Variants in MB21D2 observed in about 807,000 individuals in gnomAD.
The protein encoded by MB21D2 is nucleotidyltransferase MB21D2.
MB21D2 carries 9 observed loss-of-function variants against 33.3 expected under a neutral mutation model. That is an observed-to-expected ratio of 0.27 (90% CI 0.16 to 0.47). The LOEUF is 0.47. Among genes scored for constraint, MB21D2 ranks in the 20% least tolerant of loss-of-function variants. MB21D2 has a pLI of 0.99. For missense variants in MB21D2, 540 were observed against 624.6 expected (o/e 0.86, Z 1.44); for synonymous variants, 241 against 236.3 (o/e 1.02, Z -0.18).
intron 1 of MB21D2, among the ~76,000 whole-genome samples, chr3:192,846,846 T>G (rs1452385918): frequency 6.6e-6 from 1 of 152,200 alleles, no homozygotes; most frequent in African/African-American, 2.4e-5. Flanking sequence ...ACTTTTCTCT[T>G]ATACCTGTTT....
intron 1 of MB21D2, among the ~76,000 whole-genome samples, chr3:192,916,192 G>A (rs1464547049): frequency 6.6e-6 from 1 of 151,160 alleles, no homozygotes; most frequent in Admixed American, 6.6e-5. Context: ...CATACGCAAC[G>A]TAAGACACAC....
At chr3:192,825,064 C>T (rs1042383080) in intron 1 of MB21D2, among the ~76,000 whole-genome samples, 3 of 152,146 alleles carry the variant, frequency 2.0e-5, no homozygotes, top group African/African-American at 4.8e-5. Flanking sequence ...CCAAGAATAG[C>T]CCCAATATAT....
At chr3:192,843,324 C>A (rs1712612841) in intron 1 of MB21D2, among the ~76,000 whole-genome samples, 1 of 152,110 alleles carries the variant, frequency 6.6e-6, no homozygotes, top group African/African-American at 2.4e-5. Context: ...TTTGACATGT[C>A]AGAGTGGAAT....
At chr3:192,898,713 A>G (rs903484881) in intron 1 of MB21D2, among the ~76,000 whole-genome samples, 1 of 152,268 alleles carries the variant, frequency 6.6e-6, no homozygotes, top group Non-Finnish European at 1.5e-5. Context: ...ATGGCAGTGT[A>G]AAATACCAGA....
chr3:192,887,610 T>A (rs185108355), intron 1 of MB21D2, among the ~76,000 whole-genome samples: 2 of 152,224 alleles, frequency 1.3e-5, no homozygotes, highest in African/African-American at 4.8e-5. Context: ...AACAAAGGTA[T>A]ATGGGGGTTC....
At chr3:192,831,936 G>A (rs1278702245) in intron 1 of MB21D2, among the ~76,000 whole-genome samples, 1 of 152,150 alleles carries the variant, frequency 6.6e-6, no homozygotes, top group African/African-American at 2.4e-5. Context: ...TGGCTCTGCT[G>A]GGCTTTGCCA....
chr3:192,849,475 G>A lies in MB21D2; in HGVS notation c.212-49825C>T, dbSNP rs191896968. Among the ~76,000 whole-genome samples, 479 of 151,856 alleles carry A rather than the reference G, an allele frequency of 3.2e-3. 8 individuals are homozygous for A. Among genetic ancestry groups the A allele is most frequent in the East Asian group, 2.3e-3 (12 of 5,128 alleles). ...TGGGATTACAGGCATGTGCCACCAC[G>A]CCCAGCTAATTTTTGTATTTTTAGT... On this transcript the variant is annotated intron_variant, in intron 1 of 1. Transcript: ENST00000392452.
At chr3:192,901,895 A>C (rs1714110932) in intron 1 of MB21D2, among the ~76,000 whole-genome samples, 1 of 152,282 alleles carries the variant, frequency 6.6e-6, no homozygotes, top group South Asian at 2.1e-4. Context: ...CTGAAATTAA[A>C]CCCATTGGGG....
intron 1 of MB21D2, among the ~76,000 whole-genome samples, chr3:192,853,076 T>G (rs148707468): frequency 1.9e-3 from 284 of 152,204 alleles, no homozygotes; most frequent in Middle Eastern, 0.014. Flanking sequence ...TCATTGCTTT[T>G]TACCTGGTTT....
chr3:192,818,794 AAT>A (rs1711981533), intron 1 of MB21D2, among the ~76,000 whole-genome samples: 1 of 152,160 alleles, frequency 6.6e-6, no homozygotes, highest in Non-Finnish European at 1.5e-5. Flanking sequence ...AATTATGCAG[AAT>A]ATGAGGATTT....
intron 1 of MB21D2, among the ~76,000 whole-genome samples, chr3:192,908,636 T>G (rs796747913): frequency 7.9e-5 from 12 of 151,682 alleles, no homozygotes; most frequent in African/African-American, 2.9e-4. Context: ...GCCAGGATGG[T>G]CTCGATCTCC....
intron 1 of MB21D2, among the ~76,000 whole-genome samples, chr3:192,862,473 A>T (rs1328886189): frequency 6.6e-6 from 1 of 152,242 alleles, no homozygotes; most frequent in Non-Finnish European, 1.5e-5. Flanking sequence ...CCTCTAGAAG[A>T]AGTAACTTCC....
intron 1 of MB21D2, among the ~76,000 whole-genome samples, chr3:192,852,277 G>A (rs1028076518): frequency 6.6e-6 from 1 of 152,204 alleles, no homozygotes; most frequent in African/African-American, 2.4e-5. Flanking sequence ...CTCTTCAATC[G>A]ATGTAATTGC....
chr3:192,917,465 G>A (rs1199118088), intron 1 of MB21D2, among the ~76,000 whole-genome samples, 165 bp downstream of exon 1: 3 of 152,138 alleles, frequency 2.0e-5, no homozygotes, highest in Non-Finnish European at 4.4e-5. Flanking sequence ...CTCGGCTTTC[G>A]GCGGAGAAAG....
chr3:192,853,918 T>C (rs1030634517), intron 1 of MB21D2, among the ~76,000 whole-genome samples: 14 of 152,224 alleles, frequency 9.2e-5, no homozygotes, highest in Admixed American at 3.3e-4. Context: ...ATTGTAATTG[T>C]CTTGGGGCAC....
chr3:192,901,687 A>AT (rs1484498742), intron 1 of MB21D2, among the ~76,000 whole-genome samples: 5 of 152,224 alleles, frequency 3.3e-5, no homozygotes, highest in African/African-American at 9.7e-5. Context: ...TTTAGTCACT[A>AT]TAAGGGTCAC....
At chr3:192,836,349 G>A (rs2108623270) in intron 1 of MB21D2, among the ~76,000 whole-genome samples, 1 of 152,294 alleles carries the variant, frequency 6.6e-6, no homozygotes, top group Non-Finnish European at 1.5e-5. Context: ...CACAAAAGCA[G>A]CCTGGGTGCT....
At position 192,798,465 on chromosome 3, in the gene MB21D2, G is replaced by A. The variant is rs1267121909; in HGVS notation, c.1397C>T (p.Pro466Leu). ...GATAAAGACAGAGATTGACTTTCCC[G>A]GGTTCTCAGTCACTAGCTGCTGCAG... The part of the protein sequence containing the change: ...KKLQQLVTEN[P>L]GKSISVFINP... The change falls in exon 2 of 2, where the codon CCG becomes CTG. Residue 466 changes from proline (P) to leucine (L), a missense_variant. Coordinates refer to ENST00000392452, the MANE Select transcript of MB21D2 (RefSeq NM_178496.4). This position sits in a 1 kb window ranked among gnomAD's most constrained non-coding sequence, Gnocchi z 4.8. 6.8e-6 allele frequency: 11 copies of A among 1,614,032 alleles called. No homozygotes were observed. Among genetic ancestry groups the A allele is most frequent in the Admixed American group, 1.7e-5 (1 of 60,004 alleles).
intron 1 of MB21D2, among the ~76,000 whole-genome samples, chr3:192,802,065 A>T (rs1711574919): frequency 6.6e-6 from 1 of 152,162 alleles, no homozygotes; most frequent in Non-Finnish European, 1.5e-5. Context: ...GTCCCTCTTC[A>T]ATAAAGGACT....
Sources: allele counts gnomAD v4.1 joint callset (sites outside exome capture counted in the v4.1 genomes callset), GRCh38; gene constraint gnomAD v4.1.1; non-coding constraint Gnocchi (gnomAD v3.1); transcripts MANE v1.5; gene names NCBI Gene and HGNC (gene_info 2026-07-23, HGNC 2026-07-21).